Variants in STON2 observed in about 807,000 individuals in gnomAD.
STON2 encodes the protein stonin 2.
Under a neutral mutation model 65.7 loss-of-function variants are expected in STON2, and 29 were observed. That is an observed-to-expected ratio of 0.44 (90% CI 0.33 to 0.60). STON2 has a LOEUF of 0.60. STON2 is among the 20% of genes least tolerant of loss of function. The pLI is 0.03. For synonymous variants in STON2, 404 were observed against 414.2 expected (o/e 0.98, Z 0.30); for missense variants, 1,054 against 1,118.1 (o/e 0.94, Z 0.82).
Position 81,396,175 on chromosome 14 carries a change from C to A in STON2, c.92G>T (p.Gly31Val). The A allele has an allele frequency of 1.3e-6, 2 of 1,597,264 alleles. No individual in the cohort carries two copies. The highest frequency in any genetic ancestry group is 4.5e-5 in the East Asian group (2 of 44,642). ...CAGTCCTGGGAGGTGCTCTTCCGTG[C>A]CCCCTGAAACAGATACCAGACGCCA... ...EPPFPAHSQGGTEEHLPGLSS... is the reference protein window; with the variant it reads ...EPPFPAHSQGVTEEHLPGLSS... The change falls in exon 3 of 8, where the codon GGC becomes GTC. Residue 31 changes from glycine to valine, a missense_variant. Coordinates refer to ENST00000614646, the MANE Select transcript of STON2 (RefSeq NM_001394390.1).
intron 4 of STON2, chr14:81,333,385 C>T (rs549728389): frequency 3.2e-5 from 14 of 443,570 alleles, no homozygotes; most frequent in Non-Finnish European, 5.7e-5. Flanking sequence ...CCTCAGACAG[C>T]CAGGGAGGCT....
Position 81,266,797 on chromosome 14 carries a change from C to A in STON2, c.*1617G>T. On this transcript the variant is annotated 3_prime_UTR_variant, in exon 8 of 8. Transcript: ENST00000614646. Reference sequence around the variant, plus strand: ...AAACCAGGTCTTCCTAACACCGTTCCCATCAACACCACACACATAAACACA... The same window carrying A: ...AAACCAGGTCTTCCTAACACCGTTCACATCAACACCACACACATAAACACA... The A allele has an allele frequency of 1.1e-6, 1 of 946,548 alleles. No individual in the cohort carries two copies. The highest frequency in any genetic ancestry group is 1.2e-6 in the Non-Finnish European group (1 of 817,572). The allele number at this position is 946,548 out of a possible 1,614,324, so 58.6% of individuals were successfully genotyped here.
At chr14:81,322,161 T>C (rs1243744477) in intron 5 of STON2, among the ~76,000 whole-genome samples, 1 of 151,998 alleles carries the variant, frequency 6.6e-6, no homozygotes, top group Non-Finnish European at 1.5e-5. Context: ...TGGCACTACA[T>C]GGAGGAAATT....
chr14:81,338,797 C>T (rs181886127), intron 4 of STON2, among the ~76,000 whole-genome samples: 198 of 152,230 alleles, frequency 1.3e-3, no homozygotes, highest in Middle Eastern at 3.4e-3. Context: ...ATTTCAGTGA[C>T]CAGAGGTGAA....
chr14:81,290,126 A>G (rs2140153281), intron 5 of STON2, among the ~76,000 whole-genome samples: 1 of 152,316 alleles, frequency 6.6e-6, no homozygotes, highest in Non-Finnish European at 1.5e-5. Flanking sequence ...ATACTTTTAT[A>G]TTCCATTGTA....
intron 4 of STON2, among the ~76,000 whole-genome samples, chr14:81,342,181 C>G (rs1897638979): frequency 6.6e-6 from 1 of 151,792 alleles, no homozygotes. Flanking sequence ...ACTCTTGTTG[C>G]CCGGGTGCCA....
At chr14:81,355,992 C>T (rs1291034862) in intron 4 of STON2, among the ~76,000 whole-genome samples, 3 of 152,008 alleles carry the variant, frequency 2.0e-5, no homozygotes, top group Non-Finnish European at 2.9e-5. Flanking sequence ...AATTGAATAC[C>T]CTTTATTTCC....
In STON2 at chr14:81,265,458, C is replaced by T. The variant is rs991218399; in HGVS notation, c.*2956G>A. ...TCACCTGAGGTCAGACATTCGAGAC[C>T]AGCCTGGCCAACATGGTGAAACCCC... On this transcript the variant is annotated 3_prime_UTR_variant, in exon 8 of 8. Transcript: ENST00000614646. The T allele has an allele frequency of 5.4e-6, 3 of 559,772 alleles. No individual in the cohort carries two copies. Among genetic ancestry groups the T allele is most frequent in the Non-Finnish European group, 6.8e-6 (3 of 441,596 alleles). 34.7% of individuals were successfully genotyped at this position (559,772 alleles called of 1,614,324 possible). A position where few individuals can be genotyped will look rare whatever the true frequency, so the allele number is the denominator to read the frequency against.
At chr14:81,341,767 G>C (rs898105576) in intron 4 of STON2, among the ~76,000 whole-genome samples, 2 of 152,142 alleles carry the variant, frequency 1.3e-5, no homozygotes, top group African/African-American at 4.8e-5. Context: ...AAGTAAGAAA[G>C]CTTTCAACAA....
At chr14:81,411,429 G>A (rs1368788332) in intron 2 of STON2, among the ~76,000 whole-genome samples, 1 of 152,212 alleles carries the variant, frequency 6.6e-6, no homozygotes, top group Non-Finnish European at 1.5e-5. Context: ...AATGAGGGCT[G>A]GGCGCACTGG....
At position 81,426,935 on chromosome 14, in the gene STON2, T is replaced by C. The variant is rs74066458; in HGVS notation, c.-199+167A>G. 8.1e-3 allele frequency among the ~76,000 whole-genome samples: 1,231 copies of C among 152,364 alleles called. 12 individuals carry two copies. The highest frequency in any genetic ancestry group is 0.026 in the African/African-American group (1,098 of 41,592). On this transcript the variant is annotated intron_variant, in intron 2 of 8. Coordinates refer to the STON2 transcript ENST00000553821. The stretch of plus-strand genomic sequence containing the variant: ...GTTCACCTACCGCTTTATTTTTATG[T>C]GCTATTTGATAAACACTTACGTAAC...
In STON2 at chr14:81,393,876, C is replaced by T. The variant is rs1254911510; in HGVS notation, c.373+2018G>A. 2.6e-5 allele frequency among the ~76,000 whole-genome samples: 4 copies of T among 152,230 alleles called. No individual in the cohort carries two copies. The East Asian group carries it at 7.7e-4, about 29-fold the overall frequency. ...CCACGCTGCACTGAGAGTCATGACT[C>T]AATGACAATTCATGCAGAAATCTGA... On this transcript the variant is annotated intron_variant, in intron 3 of 7. Coordinates refer to ENST00000614646, the MANE Select transcript of STON2 (RefSeq NM_001394390.1).
rs1302369668 is a variant in STON2 at position 81,262,160 on chromosome 14, G to A, written c.*6254C>T. The A allele has an allele frequency of 2.0e-6, 2 of 985,040 alleles. No individual in the cohort carries two copies. Among genetic ancestry groups the A allele is most frequent in the Admixed American group, 6.2e-5 (1 of 16,254 alleles). 61.0% of individuals were successfully genotyped at this position (985,040 alleles called of 1,614,324 possible). Reference sequence around the variant, plus strand: ...CCAACTTCCTCACTTTTTTGTCTCAGGAAACTGAAGCCCAATTGGGAAAAC... The same window carrying A: ...CCAACTTCCTCACTTTTTTGTCTCAAGAAACTGAAGCCCAATTGGGAAAAC... On this transcript the variant is annotated 3_prime_UTR_variant, in exon 8 of 8. Coordinates refer to ENST00000614646, the MANE Select transcript of STON2 (RefSeq NM_001394390.1).
intron 1 of STON2, among the ~76,000 whole-genome samples, chr14:81,433,361 G>A (rs891776113): frequency 1.6e-4 from 25 of 152,290 alleles, no homozygotes; most frequent in Admixed American, 7.8e-4. Context: ...CACTAGAAAT[G>A]TGTGTTCAGC....
intron 5 of STON2, among the ~76,000 whole-genome samples, chr14:81,314,043 C>T (rs968160345): frequency 2.6e-5 from 4 of 152,184 alleles, no homozygotes; most frequent in African/African-American, 7.2e-5. Flanking sequence ...CCTTCCAGTG[C>T]CTTGCAAATT....
At chr14:81,428,196 C>A (rs1334469263) in intron 1 of STON2, among the ~76,000 whole-genome samples, 1 of 152,176 alleles carries the variant, frequency 6.6e-6, no homozygotes, top group East Asian at 1.9e-4. Flanking sequence ...CACCCTTCAA[C>A]TGTTCAAAGT....
At chr14:81,288,688 T>A (rs975995857) in intron 5 of STON2, among the ~76,000 whole-genome samples, 1 of 152,150 alleles carries the variant, frequency 6.6e-6, no homozygotes, top group Non-Finnish European at 1.5e-5. Context: ...CTCTGCTCAA[T>A]GGACCATCAA....
intron 5 of STON2, among the ~76,000 whole-genome samples, chr14:81,293,469 A>T (rs934954641): frequency 1.3e-5 from 2 of 151,820 alleles, no homozygotes; most frequent in African/African-American, 4.8e-5. Context: ...ACCACACTCG[A>T]CTGGTGACTT....
Position 81,412,953 on chromosome 14 carries a change from C to T in STON2, c.-199+14149G>A, listed in dbSNP as rs555308567. On this transcript the variant is annotated intron_variant, in intron 2 of 8. Transcript: ENST00000553821. Reference sequence around the variant, plus strand: ...GAGACCGTTGCAGTCAGCCAGCCCCCTTCTCCATGGGTAACCATGTGCGAC... The same window carrying T: ...GAGACCGTTGCAGTCAGCCAGCCCCTTTCTCCATGGGTAACCATGTGCGAC... 71 of 906,394 alleles carry T rather than the reference C, an allele frequency of 7.8e-5. 12 individuals carry two copies. In the South Asian group the frequency reaches 8.1e-4, roughly 10 times the overall value. The allele number at this position is 906,394 out of a possible 1,614,324, so 56.1% of individuals were successfully genotyped here. A position where few individuals can be genotyped will look rare whatever the true frequency, so the allele number is the denominator to read the frequency against.
Sources: allele counts gnomAD v4.1 joint callset (sites outside exome capture counted in the v4.1 genomes callset), GRCh38; gene constraint gnomAD v4.1.1; transcripts MANE v1.5; gene names NCBI Gene and HGNC (gene_info 2026-07-23, HGNC 2026-07-21).